Variants in FILIP1L observed in about 807,000 individuals in gnomAD.
FILIP1L encodes filamin A-interacting protein 1-like.
FILIP1L carries 55 observed loss-of-function variants against 96.6 expected under a neutral mutation model. The observed-to-expected ratio is 0.57, with a 90% CI of 0.46 to 0.71. FILIP1L has a LOEUF of 0.71. Among genes scored for constraint, FILIP1L ranks in the 30% least tolerant of loss-of-function variants. FILIP1L has a pLI of 0.00. For missense variants in FILIP1L, 1,304 were observed against 1,321.2 expected (o/e 0.99, Z 0.20); for synonymous variants, 467 against 473.9 (o/e 0.99, Z 0.19).
intron 1 of FILIP1L, among the ~76,000 whole-genome samples, chr3:100,079,078 G>C (rs572667289): frequency 1.3e-5 from 2 of 152,244 alleles, no homozygotes; most frequent in South Asian, 4.1e-4. Flanking sequence ...ATAGCATTCA[G>C]CTGAGGCTGA....
chr3:99,837,029 C>T (rs1461975855), intron 5 of FILIP1L, among the ~76,000 whole-genome samples: 1 of 152,172 alleles, frequency 6.6e-6, no homozygotes, highest in African/African-American at 2.4e-5. Context: ...TAGTAATAAT[C>T]GTCCATTGTT....
Position 99,851,046 on chromosome 3 carries a change from T to A in FILIP1L, c.630A>T (p.Glu210Asp), listed in dbSNP as rs779971703. 2 of 1,594,080 alleles carry A rather than the reference T, an allele frequency of 1.3e-6. No homozygotes were observed. The highest frequency in any genetic ancestry group is 2.2e-5 in the East Asian group (1 of 44,714). The change falls in exon 5 of 6, where the codon GAA (glutamate) becomes GAT (aspartate). Residue 210 changes from glutamate to aspartate, a missense_variant. Transcript: ENST00000477258. ...GCTCCTTCTCCTCCTGAGACTTGAT[T>A]TCTTGATCAATTAGCTTCTTTAATC... ...CERLKKLIDQ[E>D]IKSQEEKEQE...
At position 100,016,401 on chromosome 3, in the gene FILIP1L, G is replaced by A. The variant is rs571633952; in HGVS notation, c.-10-85371C>T. ...AGGCAGGGTATCTCCATGTTGGTCAGGCTGGTCTCAAATTCCTGACCTCAG... is the reference window on the plus strand; with the variant it reads ...AGGCAGGGTATCTCCATGTTGGTCAAGCTGGTCTCAAATTCCTGACCTCAG... On this transcript the variant is annotated intron_variant, in intron 1 of 5. Transcript: ENST00000477258. 7.9e-5 allele frequency among the ~76,000 whole-genome samples: 12 copies of A among 152,282 alleles called. No individual in the cohort carries two copies. In the South Asian group the frequency reaches 2.5e-3, roughly 32 times the overall value.
At chr3:100,043,160 C>T (rs1364202763) in intron 1 of FILIP1L, among the ~76,000 whole-genome samples, 2 of 152,200 alleles carry the variant, frequency 1.3e-5, no homozygotes, top group African/African-American at 4.8e-5. Context: ...ACTCCCCAGT[C>T]CTCAAAGCTC....
chr3:99,986,830 C>T (rs1479742658), intron 1 of FILIP1L, among the ~76,000 whole-genome samples: 1 of 152,132 alleles, frequency 6.6e-6, no homozygotes, highest in Non-Finnish European at 1.5e-5. Flanking sequence ...GTACAGAGGA[C>T]AACCCTCCAC....
chr3:99,872,069 C>G (rs1031227919), intron 4 of FILIP1L, among the ~76,000 whole-genome samples: 1 of 152,078 alleles, frequency 6.6e-6, no homozygotes, highest in East Asian at 1.9e-4. Flanking sequence ...CTCCTCTCTT[C>G]CTAGCACTAA....
At chr3:99,876,242 G>C (rs1705513127) in intron 4 of FILIP1L, 40 of 984,870 alleles carry the variant, frequency 4.1e-5, no homozygotes, top group Non-Finnish European at 4.7e-5. Context: ...GGCGCTCCGC[G>C]TGTGCGGCGC....
intron 4 of FILIP1L, chr3:99,898,783 A>AAAAT (rs1706343832): frequency 6.6e-6 from 1 of 152,072 alleles, no homozygotes; most frequent in African/African-American, 2.4e-5. Context: ...AAAAAAAAAA[A>AAAAT]AAGTGCATTT....
In FILIP1L at chr3:99,830,572, G is replaced by T; in HGVS notation, c.3415C>A (p.Arg1139=). 1 of 456,638 alleles carries T rather than the reference G, an allele frequency of 2.2e-6. No individual in the cohort carries two copies. The highest frequency in any genetic ancestry group is 4.4e-6 in the Non-Finnish European group (1 of 226,948). The allele number at this position is 456,638 out of a possible 1,614,324, so 28.3% of individuals were successfully genotyped here. Reference sequence around the variant, plus strand: ...CCTGTAGATTTCGGTTTAGGGATCCGTGCTGGGATTCTCTGCTTGCATACC... The same window carrying T: ...CCTGTAGATTTCGGTTTAGGGATCCTTGCTGGGATTCTCTGCTTGCATACC... ...KEVCKQRIPA[R]IPKPKSTGIT... is the part of the protein sequence containing the mutation. The change falls in exon 6 of 6, where the codon CGG becomes AGG. Residue 1139 remains arginine, a synonymous_variant. Transcript: ENST00000477258.
chr3:99,854,830 C>T lies in FILIP1L; in HGVS notation c.606-3760G>A, dbSNP rs78220145. ...TTAAACAGGTGCAACTGAGAGCTCC[C>T]ACCTGAATTACATGTACACCTGGTG... On this transcript the variant is annotated intron_variant, in intron 4 of 5. Transcript: ENST00000477258. 6.8e-4 allele frequency among the ~76,000 whole-genome samples: 103 copies of T among 152,292 alleles called. 1 individual carries two copies. The highest frequency in any genetic ancestry group is 5.8e-3 in the East Asian group (30 of 5,194).
At chr3:100,086,882 C>T (rs940357496) in intron 1 of FILIP1L, among the ~76,000 whole-genome samples, 1 of 152,162 alleles carries the variant, frequency 6.6e-6, no homozygotes, top group African/African-American at 2.4e-5. Flanking sequence ...CTATTCTCAA[C>T]CCCTAGTAAC....
Position 100,038,443 on chromosome 3 carries a change from T to C in FILIP1L, c.-11+75610A>G, listed in dbSNP as rs556293380. Among the ~76,000 whole-genome samples, 10 of 152,338 alleles carry C rather than the reference T, an allele frequency of 6.6e-5. No homozygotes were observed. In the East Asian group the frequency reaches 1.9e-3, roughly 29 times the overall value. On this transcript the variant is annotated intron_variant, in intron 1 of 5. Coordinates refer to ENST00000477258, the MANE Select transcript of FILIP1L (RefSeq NM_001387850.1). ...TCTTTTTTCACCATTTTTTTGCTTA[T>C]AGAGAATTCGAGTAGGGAGCGGAAA...
At chr3:99,839,555 C>T (rs1486147365) in intron 5 of FILIP1L, among the ~76,000 whole-genome samples, 1 of 152,306 alleles carries the variant, frequency 6.6e-6, no homozygotes, top group East Asian at 1.9e-4. Flanking sequence ...CAATTCCCTT[C>T]TCCCCCGACT....
intron 1 of FILIP1L, among the ~76,000 whole-genome samples, chr3:99,948,068 C>T (rs1708062820): frequency 6.6e-6 from 1 of 152,204 alleles, no homozygotes; most frequent in Non-Finnish European, 1.5e-5. Context: ...CTATAACATT[C>T]TGTTTCTGAT....
chr3:100,108,341 T>G (rs976479337), intron 1 of FILIP1L, among the ~76,000 whole-genome samples: 1 of 152,168 alleles, frequency 6.6e-6, no homozygotes, highest in African/African-American at 2.4e-5. Context: ...ATAATGATAA[T>G]AACAGCCTCT....
chr3:99,950,936 G>A (rs1003695642), intron 1 of FILIP1L, among the ~76,000 whole-genome samples: 5 of 152,188 alleles, frequency 3.3e-5, no homozygotes, highest in Non-Finnish European at 5.9e-5. Flanking sequence ...CTGTCACCCA[G>A]GGATTATTGG....
intron 4 of FILIP1L, among the ~76,000 whole-genome samples, chr3:99,892,235 A>G (rs1706105752): frequency 6.6e-6 from 1 of 152,194 alleles, no homozygotes; most frequent in Non-Finnish European, 1.5e-5. Context: ...CAAGTCTCCA[A>G]TTTTGTATGG....
chr3:99,850,539 C>T lies in FILIP1L; in HGVS notation c.1137G>A (p.Val379=), dbSNP rs1417142023. The T allele has an allele frequency of 2.5e-6, 4 of 1,613,672 alleles. No individual in the cohort carries two copies. The highest frequency in any genetic ancestry group is 2.2e-5 in the South Asian group (2 of 90,996). Reference sequence around the variant, plus strand: ...CTTCATCTTTCCCTTCCATATCTAGCACACGTTTCCTGAGCTCTTCCACTT... The same window carrying T: ...CTTCATCTTTCCCTTCCATATCTAGTACACGTTTCCTGAGCTCTTCCACTT... The part of the protein sequence containing the change: ...MAEVEELRKR[V]LDMEGKDEEL... The change falls in exon 5 of 6, where the codon GTG becomes GTA. Residue 379 remains valine, a synonymous_variant. Coordinates refer to ENST00000477258, the MANE Select transcript of FILIP1L (RefSeq NM_001387850.1).
chr3:100,027,728 C>A (rs907941785), intron 1 of FILIP1L, among the ~76,000 whole-genome samples: 1 of 152,150 alleles, frequency 6.6e-6, no homozygotes, highest in Non-Finnish European at 1.5e-5. Context: ...AGGTAGCACA[C>A]ATTTGAACAG....
Sources: gnomAD v4.1 joint callset for allele counts (sites outside exome capture counted in the v4.1 genomes callset) on GRCh38, gnomAD v4.1.1 for gene constraint, MANE v1.5 for transcripts, NCBI Gene and HGNC (gene_info 2026-07-23, HGNC 2026-07-21) for gene names.